ALG9: variants seen among roughly 807,000 people sequenced by gnomAD.
ALG9 encodes the protein ALG9 alpha-1,2-mannosyltransferase.
In ALG9, 55 loss-of-function variants were observed where a neutral mutation model predicts 81.8. The observed-to-expected ratio is 0.67, with a 90% CI of 0.54 to 0.84. The LOEUF is 0.84. Among genes scored for constraint, ALG9 ranks in the 40% least tolerant of loss-of-function variants. ALG9 has a pLI of 0.00. For missense variants in ALG9, 629 were observed against 745.0 expected, an observed-to-expected ratio of 0.84 and a Z score of 1.81; for synonymous variants, 278 against 274.3, an observed-to-expected ratio of 1.01 and a Z score of -0.13.
chr11:111,819,540 G>A (rs1407534447), intron 13 of ALG9, among the ~76,000 whole-genome samples: 1 of 152,194 alleles, frequency 6.6e-6, no homozygotes, highest in Non-Finnish European at 1.5e-5. Flanking sequence ...GCAAGTGGGA[G>A]GATTAAAGCT....
chr11:111,858,620 G>A (rs1959083615), intron 5 of ALG9, among the ~76,000 whole-genome samples: 2 of 152,154 alleles, frequency 1.3e-5, no homozygotes, highest in South Asian at 4.1e-4. Context: ...TTATACAGCA[G>A]AGGACAGAGT....
rs1457914220 is a variant in ALG9, at chr11:111,786,488, G to A, written c.1766C>T (p.Pro589Leu). The A allele has an allele frequency of 2.5e-6, 4 of 1,613,848 alleles. No individual in the cohort carries two copies. In the African/African-American group the frequency reaches 4.0e-5, roughly 16 times the overall value. ...CACTGTATACTGATCTGACAGGAAG[G>A]GGACATAGAATGCCCGCAGCAGCTT... ...SSKLLRAFYV[P>L]FLSDQYTVYV... The change falls in exon 15 of 15, where the codon CCC becomes CTC. Residue 589 changes from proline to leucine, a missense_variant. Pro to Leu is a moderately conservative substitution (Grantham distance 98). Around this residue, in one of 3 missense-constraint regions of ALG9, gnomAD observed 264 missense variants for 302.2 expected, o/e 0.87. Transcript: ENST00000616540.
chr11:111,852,904 T>C (rs1479559810), intron 8 of ALG9, among the ~76,000 whole-genome samples: 2 of 142,680 alleles, frequency 1.4e-5, no homozygotes, highest in African/African-American at 5.3e-5. Flanking sequence ...ATCGCGCCAC[T>C]GCACTCCAGC....
intron 9 of ALG9, among the ~76,000 whole-genome samples, chr11:111,843,990 A>T (rs1284522469): frequency 6.6e-6 from 1 of 152,146 alleles, no homozygotes; most frequent in Admixed American, 6.6e-5. Context: ...AGAAAACTCA[A>T]ATAGGCTTGT....
intron 14 of ALG9, among the ~76,000 whole-genome samples, chr11:111,807,947 T>C (rs574719160): frequency 6.6e-6 from 1 of 151,740 alleles, no homozygotes; most frequent in South Asian, 2.1e-4. Context: ...TAGCTGGGAG[T>C]GGTGGCAGGT....
rs1391589481 is a variant in ALG9 at position 111,786,215 on chromosome 11, G to A, written c.*182C>T. ...ACATGCAGAACAGAGACACACACAG[G>A]GAGCAAATGTGACTTTGATTAGACT... is the stretch of plus-strand genomic sequence containing the variant. On this transcript the variant is annotated 3_prime_UTR_variant, in exon 15 of 15. Transcript: ENST00000616540. 2 of 933,400 alleles carry A rather than the reference G, an allele frequency of 2.1e-6. No individual in the cohort carries two copies. The highest frequency in any genetic ancestry group is 1.6e-5 in the African/African-American group (1 of 61,380). The allele number at this position is 933,400 out of a possible 1,614,324, so 57.8% of individuals were successfully genotyped here. A position where few individuals can be genotyped will look rare whatever the true frequency, so the allele number is the denominator to read the frequency against.
intron 13 of ALG9, among the ~76,000 whole-genome samples, chr11:111,814,395 T>A (rs1951176761): frequency 6.6e-6 from 1 of 152,048 alleles, no homozygotes; most frequent in South Asian, 2.1e-4. Flanking sequence ...GGGGTGTGGG[T>A]AGGTGATCAA....
At chr11:111,768,227 A>G in the ALG9 span, among the ~76,000 whole-genome samples, 4 of 152,352 alleles carry the variant, frequency 2.6e-5, no homozygotes, top group Admixed American at 2.6e-4. Flanking sequence ...AACACAAAAG[A>G]AGCTGAGCTA....
chr11:111,856,095 G>A (rs1958624255), intron 6 of ALG9, among the ~76,000 whole-genome samples: 1 of 151,866 alleles, frequency 6.6e-6, no homozygotes, highest in Admixed American at 6.6e-5. Flanking sequence ...TGGCCAATAT[G>A]GTAAAACCTC....
chr11:111,783,151 T>A lies in ALG9; in HGVS notation c.*3246A>T, dbSNP rs574348486. ...ACCTACTCCCTCACTCACCCCATGA[T>A]CAAAGGCTATTAAAAATTATCTGGG... On this transcript the variant is annotated 3_prime_UTR_variant, in exon 15 of 15. Coordinates refer to ENST00000616540, the MANE Select transcript of ALG9 (RefSeq NM_024740.2). 2 of 152,252 alleles carry A rather than the reference T, an allele frequency of 1.3e-5. No homozygotes were observed. The highest frequency in any genetic ancestry group is 3.9e-4 in the East Asian group (2 of 5,176). The allele number at this position is 152,252 out of a possible 1,614,324, so 9.4% of individuals were successfully genotyped here. A position where few individuals can be genotyped will look rare whatever the true frequency, so the allele number is the denominator to read the frequency against.
chr11:111,808,271 C>A (rs1950217627), intron 14 of ALG9, among the ~76,000 whole-genome samples: 2 of 152,174 alleles, frequency 1.3e-5, no homozygotes, highest in African/African-American at 4.8e-5. Context: ...CTCTCCCCAA[C>A]CGTCCCTTCC....
At chr11:111,831,045 T>G (rs1954274451) in intron 13 of ALG9, among the ~76,000 whole-genome samples, 1 of 151,878 alleles carries the variant, frequency 6.6e-6, no homozygotes, top group Non-Finnish European at 1.5e-5. Context: ...GTGGCTAATT[T>G]AAATTTTTTT....
intron 13 of ALG9, among the ~76,000 whole-genome samples, chr11:111,829,874 G>A (rs1281069839): frequency 6.6e-6 from 1 of 152,212 alleles, no homozygotes; most frequent in Admixed American, 6.5e-5. Context: ...CAGGACAGAA[G>A]CAGCATGTAG....
chr11:111,845,548 A>G (rs1030558723), intron 8 of ALG9, among the ~76,000 whole-genome samples: 1 of 152,182 alleles, frequency 6.6e-6, no homozygotes, highest in East Asian at 1.9e-4. Flanking sequence ...ATCACTAAAA[A>G]CACAAGTCTT....
chr11:111,859,656 G>A (rs1959315123), intron 5 of ALG9, among the ~76,000 whole-genome samples: 2 of 152,272 alleles, frequency 1.3e-5, no homozygotes, highest in Non-Finnish European at 1.5e-5. Flanking sequence ...AAAGGGGGCA[G>A]AGGAATCTGA....
chr11:111,868,498 A>C, intron 3 of ALG9, 104 bp downstream of exon 3: 1 of 1,404,976 alleles, frequency 7.1e-7, no homozygotes, highest in Non-Finnish European at 9.6e-7. Flanking sequence ...TCTTCAAAAA[A>C]AGTTCCCTTT....
intron 13 of ALG9, among the ~76,000 whole-genome samples, chr11:111,818,482 T>C (rs1259385497): frequency 6.6e-6 from 1 of 152,188 alleles, no homozygotes; most frequent in East Asian, 1.9e-4. Context: ...ACTAAAATAC[T>C]GAGTTAGAGA....
intron 13 of ALG9, among the ~76,000 whole-genome samples, chr11:111,811,540 C>G (rs192034): frequency 1.9e-5 from 2 of 105,330 alleles, no homozygotes; most frequent in Non-Finnish European, 3.6e-5. Context: ...AAGACTCTGT[C>G]TCAAAAAAAA....
intron 3 of ALG9, among the ~76,000 whole-genome samples, chr11:111,867,541 A>G (rs918037824): frequency 2.6e-5 from 4 of 152,250 alleles, no homozygotes; most frequent in Non-Finnish European, 5.9e-5. Flanking sequence ...TAAAACTGAA[A>G]AAGTACATAG....
Sources: allele counts gnomAD v4.1 joint callset (sites outside exome capture counted in the v4.1 genomes callset), GRCh38; gene constraint gnomAD v4.1.1; regional missense constraint gnomAD v4.1.1; transcripts MANE v1.5; gene names NCBI Gene and HGNC (gene_info 2026-07-23, HGNC 2026-07-21).